The following MCTP1 variants were observed in gnomAD, a reference collection of about 807,000 sequenced individuals.
MCTP1 encodes the protein multiple C2 and transmembrane domain-containing protein 1.
MCTP1 carries 69 observed loss-of-function variants against 120.6 expected under a neutral mutation model. That is an observed-to-expected ratio of 0.57 (90% confidence interval 0.47 to 0.70). The LOEUF (loss-of-function observed/expected upper bound fraction) is 0.70, where lower values mean the gene tolerates loss of function less well. MCTP1 is among the 30% of genes least tolerant of loss of function. The pLI, the probability that MCTP1 is intolerant of heterozygous loss-of-function variation, is 0.00. For missense variants in MCTP1, 1,203 were observed against 1,248.8 expected, an observed-to-expected ratio of 0.96 and a Z score of 0.55; for synonymous variants, 529 against 493.1, an observed-to-expected ratio of 1.07 and a Z score of -0.96.
intron 2 of MCTP1, among the ~76,000 whole-genome samples, chr5:95,008,125 G>A (rs1835123922): frequency 6.6e-6 from 1 of 152,050 alleles, no homozygotes; most frequent in African/African-American, 2.4e-5. Context: ...GGTAGCCATT[G>A]AACAACTTCA....
chr5:95,095,963 A>G (rs1756235900), intron 1 of MCTP1, among the ~76,000 whole-genome samples: 1 of 152,134 alleles, frequency 6.6e-6, no homozygotes, highest in African/African-American at 2.4e-5. Context: ...CTCCAAGGAG[A>G]TGGCTGGCAT....
At chr5:94,793,880 C>T (rs1779464267) in intron 18 of MCTP1, among the ~76,000 whole-genome samples, 1 of 152,214 alleles carries the variant, frequency 6.6e-6, no homozygotes, top group African/African-American at 2.4e-5. Flanking sequence ...GCACTTATGG[C>T]ACAGAGTGCT....
At chr5:94,982,844 G>A (rs1337037521) in intron 2 of MCTP1, among the ~76,000 whole-genome samples, 1 of 130,330 alleles carries the variant, frequency 7.7e-6, no homozygotes, top group Non-Finnish European at 1.5e-5. Context: ...AGCCAAGATC[G>A]TGCCACTGTA....
intron 4 of MCTP1, among the ~76,000 whole-genome samples, chr5:94,941,793 A>G (rs159022): frequency 0.41 from 62,868 of 151,770 alleles, 13,333 homozygotes; most frequent in East Asian, 0.58. Flanking sequence ...TAGTAACAAT[A>G]GTAACTTTGC....
At chr5:94,753,947 TAA>T (rs1470556863) in intron 19 of MCTP1, among the ~76,000 whole-genome samples, 3 of 152,160 alleles carry the variant, frequency 2.0e-5, no homozygotes, top group African/African-American at 7.2e-5. Context: ...AATATGTGTT[TAA>T]AAGAGGCATG....
chr5:94,961,654 T>C (rs1285508447), intron 2 of MCTP1, among the ~76,000 whole-genome samples: 1 of 152,178 alleles, frequency 6.6e-6, no homozygotes, highest in South Asian at 2.1e-4. Flanking sequence ...TCTGCTGCTG[T>C]TAAAGATCCC....
intron 10 of MCTP1, among the ~76,000 whole-genome samples, chr5:94,908,236 G>A (rs1807444541): frequency 6.6e-6 from 1 of 152,038 alleles, no homozygotes; most frequent in Admixed American, 6.5e-5. Context: ...GGCTTGAAAT[G>A]TAATGTAGTA....
At chr5:94,773,229 C>T (rs1176603005) in intron 19 of MCTP1, among the ~76,000 whole-genome samples, 1 of 152,106 alleles carries the variant, frequency 6.6e-6, no homozygotes, top group Non-Finnish European at 1.5e-5. Flanking sequence ...AGATAATAAG[C>T]AAATGGGACA....
chr5:94,865,036 A>G (rs1024711271), intron 17 of MCTP1, among the ~76,000 whole-genome samples: 9 of 151,864 alleles, frequency 5.9e-5, no homozygotes, highest in African/African-American at 2.2e-4. Context: ...TCTTAGGCAG[A>G]CAATATTCAC....
intron 2 of MCTP1, among the ~76,000 whole-genome samples, chr5:95,001,295 G>A (rs1447106249): frequency 6.6e-6 from 1 of 152,140 alleles, no homozygotes; most frequent in Admixed American, 6.5e-5. Context: ...GGAGGAGTGG[G>A]GCGCTGCTGT....
Position 95,284,794 on chromosome 5 carries a change from C to A in MCTP1, c.-219G>T, listed in dbSNP as rs1020035695. 6.6e-6 allele frequency among the ~76,000 whole-genome samples: 1 copy of A among 152,064 alleles called. No individual in the cohort carries two copies. Among genetic ancestry groups the A allele is most frequent in the Admixed American group, 6.5e-5 (1 of 15,288 alleles). The stretch of plus-strand genomic sequence containing the variant: ...GCCGAGGCTCTCTGGCCTCGGGACT[C>A]CGGCGCTGCCTCTTCCTCCCGCACC... On this transcript the variant is annotated 5_prime_UTR_variant, in exon 1 of 23. Coordinates refer to ENST00000515393, the MANE Select transcript of MCTP1 (RefSeq NM_024717.7). The surrounding 1 kb of genome is among the most constrained non-coding windows in gnomAD (Gnocchi z 5.2).
intron 1 of MCTP1, chr5:95,081,838 G>A: frequency 9.8e-7 from 1 of 1,017,146 alleles, no homozygotes; most frequent in South Asian, 4.5e-5. Context: ...AATCAAACAT[G>A]CAGTGTTAGT....
intron 1 of MCTP1, among the ~76,000 whole-genome samples, chr5:95,089,088 C>T (rs1003434229): frequency 1.3e-5 from 2 of 152,162 alleles, no homozygotes; most frequent in African/African-American, 2.4e-5. Flanking sequence ...AGAAAAACTG[C>T]AATTCTTCTG....
At chr5:94,986,418 T>G (rs1396061250) in intron 2 of MCTP1, among the ~76,000 whole-genome samples, 1 of 152,160 alleles carries the variant, frequency 6.6e-6, no homozygotes, top group Non-Finnish European at 1.5e-5. Flanking sequence ...CATAATCTGT[T>G]TTACTAAGAA....
At chr5:94,929,734 T>A in intron 6 of MCTP1, 1 of 950,294 alleles carries the variant, frequency 1.1e-6, no homozygotes, top group Non-Finnish European at 1.3e-6. Flanking sequence ...AATTGAAATG[T>A]CAAACTTTCC....
At chr5:95,016,152 A>G (rs904846461) in intron 2 of MCTP1, among the ~76,000 whole-genome samples, 3 of 152,006 alleles carry the variant, frequency 2.0e-5, no homozygotes, top group African/African-American at 7.2e-5. Context: ...TATCAATCAC[A>G]TATTTCCTCA....
At chr5:95,248,121 G>A (rs1757005721) in intron 1 of MCTP1, among the ~76,000 whole-genome samples, 1 of 152,178 alleles carries the variant, frequency 6.6e-6, no homozygotes, top group South Asian at 2.1e-4. Context: ...ACAAGACAAG[G>A]ATGCCCTTTC....
At chr5:94,774,232 A>G in intron 19 of MCTP1, among the ~76,000 whole-genome samples, 1 of 37,642 alleles carries the variant, frequency 2.7e-5, no homozygotes, top group Non-Finnish European at 4.8e-5. Context: ...AAAAAAAAAA[A>G]AAAAAAAAAA....
At chr5:95,046,226 T>C (rs1485704822) in intron 1 of MCTP1, among the ~76,000 whole-genome samples, 1 of 152,172 alleles carries the variant, frequency 6.6e-6, no homozygotes, top group African/African-American at 2.4e-5. Context: ...ATTTCATTGC[T>C]ATTATTACCT....
Sources: gnomAD v4.1 joint callset for allele counts (sites outside exome capture counted in the v4.1 genomes callset) on GRCh38, gnomAD v4.1.1 for gene constraint, Gnocchi (gnomAD v3.1) non-coding constraint, MANE v1.5 for transcripts, NCBI Gene and HGNC (gene_info 2026-07-23, HGNC 2026-07-21) for gene names.